Variants in NALCN observed in about 807,000 individuals in gnomAD.
NALCN encodes the protein sodium leak channel, non-selective.
Under a neutral mutation model 225.3 loss-of-function variants are expected in NALCN, and 111 were observed. The observed-to-expected ratio is 0.49, with a 90% CI of 0.42 to 0.58. NALCN has a LOEUF of 0.58. Ranked by LOEUF, NALCN falls within the 20% of genes least tolerant of loss-of-function variation. NALCN has a pLI of 0.00. For synonymous variants in NALCN, 764 were observed against 769.0 expected (o/e 0.99, Z 0.11); for missense variants, 1,378 against 2,202.4 (o/e 0.63, Z 7.49).
At chr13:101,120,143 A>G (rs2035902558) in intron 18 of NALCN, among the ~76,000 whole-genome samples, 2 of 152,162 alleles carry the variant, frequency 1.3e-5, no homozygotes. Flanking sequence ...TGTTCATAGT[A>G]ATGTATATAA....
intron 6 of NALCN, among the ~76,000 whole-genome samples, chr13:101,372,267 T>G (rs1233635939): frequency 2.0e-5 from 3 of 152,170 alleles, no homozygotes; most frequent in African/African-American, 7.2e-5. Flanking sequence ...AATAGTACTC[T>G]CTCAGCAATT....
In NALCN at chr13:101,379,302, G is replaced by A. The variant is rs190642207; in HGVS notation, c.292-649C>T. On this transcript the variant is annotated intron_variant, in intron 3 of 43. Transcript: ENST00000251127. ...ATTAGTTCAACCATTGTGAAAGACA[G>A]TGTGGCGATTCCTCAAGGATCTAGA... Among the ~76,000 whole-genome samples, 21 of 152,306 alleles carry A rather than the reference G, an allele frequency of 1.4e-4. No homozygotes were observed. The East Asian group carries it at 4.0e-3, about 29-fold the overall frequency.
At chr13:101,201,937 A>G (rs1182950999) in intron 13 of NALCN, among the ~76,000 whole-genome samples, 1 of 152,196 alleles carries the variant, frequency 6.6e-6, no homozygotes, top group Non-Finnish European at 1.5e-5. Context: ...TTACTATAAG[A>G]CAGCCCTAAA....
chr13:101,241,991 C>T (rs147511142), intron 11 of NALCN, among the ~76,000 whole-genome samples: 3,042 of 105,746 alleles, frequency 0.029, 991 homozygotes, highest in South Asian at 0.052. Flanking sequence ...TCTGGACTCA[C>T]GTCACATTTA....
chr13:101,346,087 C>CTCTCTCTATATATATATATATATATA, intron 6 of NALCN, among the ~76,000 whole-genome samples: 12 of 70,962 alleles, frequency 1.7e-4, no homozygotes, highest in South Asian at 5.5e-4. Context: ...CTCTCTCTCT[C>CTCTCTCTATATATATATATATATATA]TATATATATA....
chr13:101,357,372 T>G (rs1011662097), intron 6 of NALCN, among the ~76,000 whole-genome samples: 1 of 152,032 alleles, frequency 6.6e-6, no homozygotes, highest in Non-Finnish European at 1.5e-5. Context: ...AAATCACAAG[T>G]ATTCCTATAC....
At chr13:101,263,087 A>G (rs1472170959) in intron 10 of NALCN, among the ~76,000 whole-genome samples, 1 of 152,244 alleles carries the variant, frequency 6.6e-6, no homozygotes, top group Non-Finnish European at 1.5e-5. Flanking sequence ...TAGTCTAGTG[A>G]GGTAAGTAAC....
At chr13:101,247,447 G>A (rs893954197) in intron 11 of NALCN, among the ~76,000 whole-genome samples, 2 of 152,092 alleles carry the variant, frequency 1.3e-5, no homozygotes, top group African/African-American at 2.4e-5. Context: ...GAAAGTAGAA[G>A]TGATCATAGA....
intron 11 of NALCN, among the ~76,000 whole-genome samples, chr13:101,247,512 G>C (rs1014565111): frequency 1.4e-4 from 21 of 151,972 alleles, no homozygotes; most frequent in African/African-American, 5.1e-4. Flanking sequence ...AGCATGCAAA[G>C]ATTTTAAATA....
chr13:101,325,654 G>A (rs552550806), intron 7 of NALCN, among the ~76,000 whole-genome samples: 2 of 151,972 alleles, frequency 1.3e-5, no homozygotes, highest in African/African-American at 2.4e-5. Flanking sequence ...GCTTTCTTAC[G>A]GCTGATATCC....
At chr13:101,378,715 G>A in intron 3 of NALCN, 62 bp from the exon 4 acceptor site, 1 of 1,349,420 alleles carries the variant, frequency 7.4e-7, no homozygotes, top group Non-Finnish European at 1.0e-6. Context: ...ACAATCTGTG[G>A]AGGAAAATGT....
At chr13:101,128,108 G>A (rs557083836) in intron 17 of NALCN, among the ~76,000 whole-genome samples, 1 of 152,296 alleles carries the variant, frequency 6.6e-6, no homozygotes, top group African/African-American at 2.4e-5. Flanking sequence ...TATCAGAGAT[G>A]TGGGAATAAA....
intron 6 of NALCN, among the ~76,000 whole-genome samples, chr13:101,350,569 G>A (rs2045879550): frequency 6.6e-6 from 1 of 151,984 alleles, no homozygotes; most frequent in Admixed American, 6.6e-5. Flanking sequence ...AAACTCAACT[G>A]TTCCTTAGTG....
chr13:101,322,712 T>G (rs962499292), intron 7 of NALCN, among the ~76,000 whole-genome samples: 3 of 152,104 alleles, frequency 2.0e-5, no homozygotes, highest in Non-Finnish European at 4.4e-5. Flanking sequence ...AGCGTGGTTT[T>G]TTTATTTTTT....
chr13:101,151,045 T>C (rs1009674860), intron 15 of NALCN, among the ~76,000 whole-genome samples: 1 of 152,044 alleles, frequency 6.6e-6, no homozygotes, highest in Non-Finnish European at 1.5e-5. Flanking sequence ...GAAAAGCACA[T>C]TTGCAAGAAT....
chr13:101,152,374 G>C (rs1304697928), intron 15 of NALCN, among the ~76,000 whole-genome samples: 3 of 152,136 alleles, frequency 2.0e-5, no homozygotes, highest in Admixed American at 2.0e-4. Flanking sequence ...TGTGTTTGTT[G>C]GTTTGGGAGC....
chr13:101,093,289 T>C (rs922486992), intron 28 of NALCN, among the ~76,000 whole-genome samples: 1 of 152,234 alleles, frequency 6.6e-6, no homozygotes, highest in Non-Finnish European at 1.5e-5. Flanking sequence ...GTCCTAATTA[T>C]AATTACCAAA....
chr13:101,082,212 AG>A (rs1162516852), intron 33 of NALCN, among the ~76,000 whole-genome samples: 6 of 152,340 alleles, frequency 3.9e-5, no homozygotes, highest in Non-Finnish European at 8.8e-5. Flanking sequence ...GTAAACATGT[AG>A]TAACTAAAAA....
At chr13:101,287,025 G>A (rs902630481) in intron 9 of NALCN, among the ~76,000 whole-genome samples, 21 of 151,860 alleles carry the variant, frequency 1.4e-4, no homozygotes, top group African/African-American at 2.7e-4. Flanking sequence ...ATTTATAATC[G>A]ATAACTTATT....
Sources: gnomAD v4.1 joint callset for allele counts (sites outside exome capture counted in the v4.1 genomes callset) on GRCh38, gnomAD v4.1.1 for gene constraint, MANE v1.5 for transcripts, NCBI Gene and HGNC (gene_info 2026-07-23, HGNC 2026-07-21) for gene names.